Variants in SRR observed in about 807,000 individuals in gnomAD.
The protein encoded by SRR is D-serine ammonia-lyase.
In SRR, 19 loss-of-function variants were observed where a neutral mutation model predicts 32.7. The observed-to-expected ratio is 0.58, with a 90% CI of 0.40 to 0.85. The LOEUF (loss-of-function observed/expected upper bound fraction) is 0.85. Among genes scored for constraint, SRR ranks in the 40% least tolerant of loss-of-function variants. The pLI, the probability that SRR is intolerant of heterozygous loss-of-function variation, is 0.00. For synonymous variants in SRR, 142 were observed against 140.9 expected (o/e 1.01, Z -0.06); for missense variants, 373 against 404.7 (o/e 0.92, Z 0.67).
At chr17:2,304,877 C>T (rs1420566741) in intron 1 of SRR, among the ~76,000 whole-genome samples, 1 of 152,066 alleles carries the variant, frequency 6.6e-6, no homozygotes, top group African/African-American at 2.4e-5. Flanking sequence ...TTGAACTATA[C>T]CAGAAGGCTG....
chr17:2,318,254 C>T (rs1156534091), intron 3 of SRR, among the ~76,000 whole-genome samples: 1 of 152,080 alleles, frequency 6.6e-6, no homozygotes, highest in Non-Finnish European at 1.5e-5. Context: ...AAGCGATTCT[C>T]CTGCCTCAGC....
At chr17:2,303,565 A>C, upstream of SRR, 1 of 1,360,442 alleles carries the variant, frequency 7.4e-7, no homozygotes, top group South Asian at 1.7e-5. Flanking sequence ...AGCGGGGAGG[A>C]GGCAGAGGAG....
chr17:2,323,064 C>G, intron 6 of SRR, 72 bp from the exon 7 acceptor site: 5 of 1,492,230 alleles, frequency 3.4e-6, no homozygotes, highest in Non-Finnish European at 4.7e-6. Context: ...CACACCAGGC[C>G]CATATTTTCT....
chr17:2,318,958 T>G (rs768867544), intron 4 of SRR, 29 bp downstream of exon 4: 1 of 1,487,732 alleles, frequency 6.7e-7, no homozygotes, highest in South Asian at 1.1e-5. Flanking sequence ...GGTACCACCT[T>G]AACAGCTTTC....
Position 2,318,876 on chromosome 17 carries a change from CT to C in SRR, c.348del (p.Ala117GlnfsTer43). ...CCAGACAGCTCCAGACTGTAAAAAA[CT>C]TGCAATACAAGCCTACGGAGCGTCA... ...VPQTAPDCKK[L>X]AIQAYGASIV... is the part of the protein sequence containing the mutation. On this transcript the variant is annotated frameshift_variant, in exon 4 of 8. Transcript: ENST00000344595. LOFTEE classifies it high-confidence loss of function. The C allele has an allele frequency of 8.7e-6, 14 of 1,613,940 alleles. No homozygotes were observed. Among genetic ancestry groups the C allele is most frequent in the Non-Finnish European group, 1.2e-5 (14 of 1,179,934 alleles).
rs149507864 is a variant in SRR at position 2,323,770 on chromosome 17, A to G, written c.920A>G (p.Asn307Ser). The change falls in exon 8 of 8, where the codon AAC (asparagine) becomes AGC (serine). Residue 307 changes from asparagine to serine, a missense_variant. Asn to Ser is a conservative substitution (Grantham distance 46). Coordinates refer to ENST00000344595, the MANE Select transcript of SRR (RefSeq NM_021947.3). Reference sequence around the variant, plus strand: ...CAAACTGTTTCCCCAGAAGTAAAGAACATTTGTATTGTGCTCAGTGGTGGA... The same window carrying G: ...CAAACTGTTTCCCCAGAAGTAAAGAGCATTTGTATTGTGCTCAGTGGTGGA... The part of the protein sequence containing the change: ...HFQTVSPEVK[N>S]ICIVLSGGNV... The G allele has an allele frequency of 6.2e-7, 1 of 1,614,076 alleles. No homozygotes were observed. Among genetic ancestry groups the G allele is most frequent in the Non-Finnish European group, 8.5e-7 (1 of 1,180,040 alleles).
At position 2,324,764 on chromosome 17, in the gene SRR, T is replaced by G. The variant is rs1380902428; in HGVS notation, c.*891T>G. The G allele has an allele frequency of 6.2e-7, 1 of 1,614,210 alleles. No homozygotes were observed. Among genetic ancestry groups the G allele is most frequent in the African/African-American group, 1.3e-5 (1 of 75,058 alleles). The stretch of plus-strand genomic sequence containing the variant: ...AAAGGATGACCACTCAGAACAACTC[T>G]CTTGATGACCATTCTGTCTGGATCT... On this transcript the variant is annotated 3_prime_UTR_variant, in exon 8 of 8. Transcript: ENST00000344595.
rs149139656 is a variant in SRR at position 2,307,019 on chromosome 17, A to G, written c.-5+3002A>G. On this transcript the variant is annotated intron_variant, in intron 1 of 7. Coordinates refer to ENST00000344595, the MANE Select transcript of SRR (RefSeq NM_021947.3). Reference sequence around the variant, plus strand: ...GTGGATGGAAGAGTTGTGGAACCAAAGAGAGCTGTCTCAAGAGAAGATTCT... The same window carrying G: ...GTGGATGGAAGAGTTGTGGAACCAAGGAGAGCTGTCTCAAGAGAAGATTCT... 3.0e-4 allele frequency: 420 copies of G among 1,388,296 alleles called. 3 individuals carry two copies. The African/African-American group carries it at 5.6e-3, about 18-fold the overall frequency. 86.0% of individuals were successfully genotyped at this position (1,388,296 alleles called of 1,614,324 possible).
At chr17:2,318,156 G>GT (rs2075493199) in intron 3 of SRR, among the ~76,000 whole-genome samples, 160 bp downstream of exon 3, 1 of 151,598 alleles carries the variant, frequency 6.6e-6, no homozygotes, top group Non-Finnish European at 1.5e-5. Flanking sequence ...TGTTTGTTTT[G>GT]TTTTTTTGAA....
intron 1 of SRR, among the ~76,000 whole-genome samples, chr17:2,310,216 T>C (rs1475138930): frequency 6.6e-6 from 1 of 152,210 alleles, no homozygotes; most frequent in Non-Finnish European, 1.5e-5. Flanking sequence ...ATCTTATTTT[T>C]GATAGTGGGT....
intron 1 of SRR, among the ~76,000 whole-genome samples, chr17:2,308,177 A>G (rs2075407105): frequency 6.6e-6 from 1 of 152,138 alleles, no homozygotes; most frequent in Non-Finnish European, 1.5e-5. Flanking sequence ...AATCCATGAT[A>G]TTAAAGCACT....
intron 6 of SRR, among the ~76,000 whole-genome samples, chr17:2,321,836 G>A (rs1960537678): frequency 6.6e-6 from 1 of 152,206 alleles, no homozygotes; most frequent in African/African-American, 2.4e-5. Context: ...GGAGTGCAGT[G>A]GCACGATCCT....
chr17:2,320,249 A>G (rs1597267934), intron 4 of SRR, among the ~76,000 whole-genome samples: 1 of 106,240 alleles, frequency 9.4e-6, no homozygotes, highest in Admixed American at 1.1e-4. Flanking sequence ...CTCATCTCTC[A>G]TCTTTTTTTT....
Position 2,318,810 on chromosome 17 carries a change from C to T in SRR, c.296-16C>T, listed in dbSNP as rs62066967. The stretch of plus-strand genomic sequence containing the variant: ...CTAAATTCTCCTGACTTTTTCCTCT[C>T]GTTTTCCTCTCCCAGGAATTCCTGC... On this transcript the variant is annotated splice_polypyrimidine_tract_variant and intron_variant, in intron 3 of 7. Coordinates refer to ENST00000344595, the MANE Select transcript of SRR (RefSeq NM_021947.3). 1,291 of 1,596,092 alleles carry T rather than the reference C, an allele frequency of 8.1e-4. 2 individuals are homozygous for T. The highest frequency in any genetic ancestry group is 9.7e-4 in the Non-Finnish European group (1,127 of 1,164,458).
At position 2,323,587 on chromosome 17, in the gene SRR, T is replaced by C. The variant is rs929660453; in HGVS notation, c.805-68T>C. 5 of 1,523,406 alleles carry C rather than the reference T, an allele frequency of 3.3e-6. No homozygotes were observed. In the African/African-American group the frequency reaches 5.5e-5, roughly 17 times the overall value. 94.4% of individuals were successfully genotyped at this position (1,523,406 alleles called of 1,614,324 possible). ...AATTCAAACTGGACACGTATTCTCA[T>C]CTGAACTTTATAGGTAAACCAACTA... On this transcript the variant is annotated intron_variant, in intron 7 of 7. Transcript: ENST00000344595.
chr17:2,324,761 C>T lies in SRR; in HGVS notation c.*888C>T, dbSNP rs756340285. On this transcript the variant is annotated 3_prime_UTR_variant, in exon 8 of 8. Transcript: ENST00000344595. The stretch of plus-strand genomic sequence containing the variant: ...TTGAAAGGATGACCACTCAGAACAA[C>T]TCTCTTGATGACCATTCTGTCTGGA... 6.8e-6 allele frequency: 11 copies of T among 1,614,196 alleles called. No individual in the cohort carries two copies. The Admixed American group carries it at 1.8e-4, about 27-fold the overall frequency.
chr17:2,317,998 T>C lies in SRR; in HGVS notation c.295+2T>C. The C allele has an allele frequency of 6.2e-7, 1 of 1,611,638 alleles. No individual in the cohort carries two copies. Among genetic ancestry groups the C allele is most frequent in the African/African-American group, 1.3e-5 (1 of 74,956 alleles). On this transcript the variant is annotated splice_donor_variant, in intron 3 of 7. Coordinates refer to ENST00000344595, the MANE Select transcript of SRR (RefSeq NM_021947.3). LOFTEE classifies it high-confidence loss of function. ...TCACCTATGCTGCCAAATTGGAAGG[T>C]ACTTGATTTCTCAAGGTACTGGGTA...
chr17:2,308,587 G>A (rs573496947), intron 1 of SRR, among the ~76,000 whole-genome samples: 6 of 152,268 alleles, frequency 3.9e-5, no homozygotes, highest in East Asian at 1.9e-4. Flanking sequence ...GGCTGGGCAC[G>A]GTGGCTCACA....
At chr17:2,306,781 A>G (rs1328143928) in intron 1 of SRR, 2 of 686,706 alleles carry the variant, frequency 2.9e-6, no homozygotes, top group African/African-American at 1.8e-5. Flanking sequence ...AGAGTCTCCT[A>G]AAGAGCTCGT....
Sources: gnomAD v4.1 joint callset for allele counts (sites outside exome capture counted in the v4.1 genomes callset) on GRCh38, gnomAD v4.1.1 for gene constraint, MANE v1.5 for transcripts, NCBI Gene and HGNC (gene_info 2026-07-23, HGNC 2026-07-21) for gene names.